The following SELP variants were observed in gnomAD, a reference collection of about 807,000 sequenced individuals.
SELP encodes selectin P, also known as P-selectin.
SELP carries 92 observed loss-of-function variants against 104.1 expected under a neutral mutation model. That is an observed-to-expected ratio of 0.88 (90% CI 0.75 to 1.05). SELP has a LOEUF of 1.05. Ranked by LOEUF, SELP falls within the 50% of genes least tolerant of loss-of-function variation. The pLI is 0.00. For synonymous variants in SELP, 397 were observed against 364.5 expected (o/e 1.09, Z -1.01); for missense variants, 1,022 against 1,017.3 (o/e 1.00, Z -0.06).
At chr1:169,611,920 CTG>C (rs1662557278) in intron 6 of SELP, among the ~76,000 whole-genome samples, 1 of 152,062 alleles carries the variant, frequency 6.6e-6, no homozygotes, top group South Asian at 2.1e-4. Flanking sequence ...TTCTATAAAC[CTG>C]TCTCAGTAGG....
At position 169,591,467 on chromosome 1, in the gene SELP, CAAG is replaced by C; in HGVS notation, c.2408-14_2408-12del. On this transcript the variant is annotated splice_polypyrimidine_tract_variant and intron_variant, in intron 14 of 16. Coordinates refer to ENST00000263686, the MANE Select transcript of SELP (RefSeq NM_003005.4). ...GGCATTTCCCATCATCTAAAATCAG[CAAG>C]AAGACAAGAATGAATGATTAAAAAA... 3 of 1,516,438 alleles carry C rather than the reference CAAG, an allele frequency of 2.0e-6. No homozygotes were observed. Among genetic ancestry groups the C allele is most frequent in the Non-Finnish European group, 2.7e-6 (3 of 1,121,312 alleles). The allele number at this position is 1,516,438 out of a possible 1,614,324, so 93.9% of individuals were successfully genotyped here.
intron 14 of SELP, among the ~76,000 whole-genome samples, chr1:169,592,846 A>T (rs1353009874): frequency 6.6e-6 from 1 of 152,052 alleles, no homozygotes; most frequent in African/African-American, 2.4e-5. Flanking sequence ...CTCCTCCATA[A>T]TCCCCTTTTG....
chr1:169,621,176 TTC>T lies in SELP; in HGVS notation c.4-1959_4-1958del, dbSNP rs1191181119. Among the ~76,000 whole-genome samples, 31 of 139,994 alleles carry T rather than the reference TTC, an allele frequency of 2.2e-4. 3 individuals are homozygous for T. Among genetic ancestry groups the T allele is most frequent in the African/African-American group, 6.0e-4 (21 of 35,222 alleles). The allele number at this position is 139,994 out of a possible 152,430, so 91.8% of individuals were successfully genotyped here. On this transcript the variant is annotated intron_variant, in intron 1 of 16. Coordinates refer to ENST00000263686, the MANE Select transcript of SELP (RefSeq NM_003005.4). Reference sequence around the variant, plus strand: ...GGGACTGTGTGGGGTTGTGTGTGTGTTCGTGTGTCATGCCCCAGTGATGGATG... The same window carrying T: ...GGGACTGTGTGGGGTTGTGTGTGTGTGTGTGTCATGCCCCAGTGATGGATG...
At chr1:169,592,655 T>G (rs1165151884) in intron 14 of SELP, among the ~76,000 whole-genome samples, 2 of 152,210 alleles carry the variant, frequency 1.3e-5, no homozygotes, top group Non-Finnish European at 2.9e-5. Context: ...AAGTTCTTTT[T>G]CTGATGAACA....
chr1:169,606,867 A>G (rs1662229254), intron 9 of SELP, 82 bp downstream of exon 9: 2 of 1,259,208 alleles, frequency 1.6e-6, no homozygotes, highest in Non-Finnish European at 1.1e-6. Flanking sequence ...TGGATCTTAC[A>G]TAGTTGTCAC....
intron 4 of SELP, 107 bp downstream of exon 4, chr1:169,613,479 C>T (rs1049442186): frequency 1.8e-5 from 15 of 812,402 alleles, no homozygotes; most frequent in Middle Eastern, 2.9e-4. Context: ...TAGAGGGGGG[C>T]TGGTACCATC....
chr1:169,619,263 C>T lies in SELP; in HGVS notation c.4-44G>A, dbSNP rs142170818. The T allele has an allele frequency of 2.6e-3, 3,479 of 1,316,848 alleles. 13 individuals are homozygous for T. Among genetic ancestry groups the T allele is most frequent in the Non-Finnish European group, 3.2e-3 (2,963 of 914,188 alleles). 81.6% of individuals were successfully genotyped at this position (1,316,848 alleles called of 1,614,324 possible). ...ACTTTCTTTTAGTATCCATACACCACCAACATGGCCAAAAATAATTCTAGT... is the reference window on the plus strand; with the variant it reads ...ACTTTCTTTTAGTATCCATACACCATCAACATGGCCAAAAATAATTCTAGT... On this transcript the variant is annotated intron_variant, in intron 1 of 16. Transcript: ENST00000263686.
In SELP at chr1:169,617,191, G is replaced by C. The variant is rs1190906382; in HGVS notation, c.318C>G (p.Thr106=). The change falls in exon 3 of 17, where the codon ACC becomes ACG. Residue 106 remains threonine (T), a synonymous_variant. Transcript: ENST00000263686. The part of the protein sequence containing the change: ...KNNKTWTWVG[T]KKALTNEAEN... ...CAGCCTCGTTGGTGAGAGCCTTTTT[G>C]GTTCCCACCCATGTCCATGTCTTAT... 1.2e-6 allele frequency: 2 copies of C among 1,613,832 alleles called. No individual in the cohort carries two copies. Among genetic ancestry groups the C allele is most frequent in the East Asian group, 4.5e-5 (2 of 44,894 alleles).
intron 1 of SELP, among the ~76,000 whole-genome samples, chr1:169,625,667 T>C (rs1663339884): frequency 1.3e-5 from 2 of 152,116 alleles, no homozygotes; most frequent in South Asian, 4.1e-4. Flanking sequence ...AATATATGAA[T>C]GAATAATGGC....
intron 1 of SELP, among the ~76,000 whole-genome samples, chr1:169,628,550 G>A (rs1045020451): frequency 6.6e-6 from 1 of 152,226 alleles, no homozygotes; most frequent in Admixed American, 6.5e-5. Flanking sequence ...AGCCCAGGAG[G>A]CAATCGAGAA....
intron 5 of SELP, among the ~76,000 whole-genome samples, chr1:169,612,607 A>T (rs763621512): frequency 6.6e-6 from 1 of 152,204 alleles, no homozygotes; most frequent in African/African-American, 2.4e-5. Context: ...TAAAATTATC[A>T]AATTAATAAT....
chr1:169,613,153 G>A, intron 4 of SELP, 39 bp from the exon 5 acceptor site: 1 of 1,523,232 alleles, frequency 6.6e-7, no homozygotes, highest in Non-Finnish European at 8.9e-7. Flanking sequence ...TTTCCATGTA[G>A]AATTAACAGC....
intron 1 of SELP, among the ~76,000 whole-genome samples, chr1:169,625,574 G>C (rs903178551): frequency 1.3e-5 from 2 of 152,154 alleles, no homozygotes; most frequent in African/African-American, 2.4e-5. Flanking sequence ...GCTTCTCAAG[G>C]GCAAGGACTA....
chr1:169,617,022 C>T lies in SELP; in HGVS notation c.481+6G>A. 6.3e-7 allele frequency: 1 copy of T among 1,588,158 alleles called. No individual in the cohort carries two copies. The highest frequency in any genetic ancestry group is 8.6e-7 in the Non-Finnish European group (1 of 1,166,408). On this transcript the variant is annotated splice_donor_region_variant and intron_variant, in intron 3 of 16. Coordinates refer to ENST00000263686, the MANE Select transcript of SELP (RefSeq NM_003005.4). ...CAGGAAAGTTTCAAAGTAGAGAAGG[C>T]CCTACCTGTGTAACACAATGCGTGC...
rs372418324 is a variant in SELP, at chr1:169,607,077, G to C, written c.1391C>G (p.Pro464Arg). ...PNEARVNCSH[P>R]FGAFRYQSVC... is the part of the protein sequence containing the mutation. Reference sequence around the variant, plus strand: ...TGACTGGTACCTAAAGGCACCGAAGGGGTGGGAGCAGTTCACCCGGGCCTC... The same window carrying C: ...TGACTGGTACCTAAAGGCACCGAAGCGGTGGGAGCAGTTCACCCGGGCCTC... The change falls in exon 9 of 17, where the codon CCC becomes CGC. Residue 464 changes from proline (P) to arginine (R), a missense_variant. Physicochemically the swap from Pro to Arg is moderately radical, Grantham distance 103 (BLOSUM62 -2). Coordinates refer to ENST00000263686, the MANE Select transcript of SELP (RefSeq NM_003005.4). The C allele has an allele frequency of 3.1e-5, 50 of 1,611,796 alleles. No homozygotes were observed. Among genetic ancestry groups the C allele is most frequent in the Non-Finnish European group, 3.9e-5 (46 of 1,178,214 alleles).
In SELP at chr1:169,619,156, G is replaced by T; in HGVS notation, c.67C>A (p.Leu23Ile). The change falls in exon 2 of 17, where the codon CTC becomes ATC. Residue 23 changes from leucine (L) to isoleucine (I), a missense_variant. Transcript: ENST00000263686. The part of the protein sequence containing the change: ...FQRVVFGISQ[L>I]LCFSALISEL... ...GAGATCAGGGCACTGAAGCAAAGGA[G>T]TTGGGAAATTCCAAAGACCACTCTC... 6.2e-7 allele frequency: 1 copy of T among 1,613,984 alleles called. No homozygotes were observed.
At chr1:169,630,004 G>A (rs1407310641) in intron 1 of SELP, 68 bp downstream of exon 1, 7 of 1,601,098 alleles carry the variant, frequency 4.4e-6, no homozygotes, top group Non-Finnish European at 6.0e-6. Flanking sequence ...ACCTTTACCT[G>A]CCTGACTTTA....
chr1:169,623,667 T>C (rs1360998277), intron 1 of SELP, among the ~76,000 whole-genome samples: 1 of 152,236 alleles, frequency 6.6e-6, no homozygotes, highest in Non-Finnish European at 1.5e-5. Context: ...TCCCCTGCTT[T>C]AATCTGACAT....
intron 1 of SELP, among the ~76,000 whole-genome samples, chr1:169,623,202 T>A (rs1293229801): frequency 6.6e-6 from 1 of 152,196 alleles, no homozygotes; most frequent in South Asian, 2.1e-4. Context: ...TTCAGACAGA[T>A]TGCAGAAGGA....
Sources: allele counts gnomAD v4.1 joint callset (sites outside exome capture counted in the v4.1 genomes callset), GRCh38; gene constraint gnomAD v4.1.1; transcripts MANE v1.5; gene names NCBI Gene and HGNC (gene_info 2026-07-23, HGNC 2026-07-21).